Variants in PZP observed in about 807,000 individuals in gnomAD.
PZP encodes the protein pregnancy zone protein.
Under a neutral mutation model 179.8 loss-of-function variants are expected in PZP, and 150 were observed. That is an observed-to-expected ratio of 0.83 (90% CI 0.73 to 0.96). The LOEUF (loss-of-function observed/expected upper bound fraction) is 0.96. PZP is among the 40% of genes least tolerant of loss of function. The probability of loss-of-function intolerance (pLI) is 0.00; values close to 1 mark genes in which losing one functional copy is unlikely to be tolerated. For synonymous variants in PZP, 624 were observed against 652.3 expected (o/e 0.96, Z 0.66); for missense variants, 1,689 against 1,764.0 (o/e 0.96, Z 0.76).
chr12:9,186,788 G>A (rs996145845), intron 13 of PZP, among the ~76,000 whole-genome samples: 3 of 147,034 alleles, frequency 2.0e-5, no homozygotes, highest in African/African-American at 7.5e-5. Context: ...ACTCATAAGT[G>A]GAAGTTGAAA....
Position 9,192,569 on chromosome 12 carries a change from G to A in PZP, c.1425C>T (p.His475=). 6.2e-7 allele frequency: 1 copy of A among 1,614,204 alleles called. No homozygotes were observed. The highest frequency in any genetic ancestry group is 8.5e-7 in the Non-Finnish European group (1 of 1,180,044). ...PCGHTETITA[H]YTLNRQAMGE... ...CCATGGCCTGTCTATTCAGTGTATA[G>A]TGTGCCGTGATAGTCTCCGTGTGGC... Residue 475 remains histidine, a synonymous_variant, in exon 12 of 36, where the codon CAC becomes CAT. Transcript: ENST00000261336.
chr12:9,157,101 C>A, intron 28 of PZP, 74 bp downstream of exon 28: 3 of 1,428,432 alleles, frequency 2.1e-6, no homozygotes, highest in Non-Finnish European at 2.9e-6. Flanking sequence ...CCCAGACAGG[C>A]CCCAATGTGT....
downstream of PZP, among the ~76,000 whole-genome samples, chr12:9,148,286 C>A (rs186604656): frequency 9.9e-5 from 15 of 152,224 alleles, no homozygotes; most frequent in East Asian, 1.9e-3. Flanking sequence ...ACTGTAGCCA[C>A]CATGTCTCTT....
Position 9,202,602 on chromosome 12 carries a change from T to C in PZP, c.350A>G (p.Asn117Ser). Residue 117 changes from asparagine to serine, a missense_variant, in exon 3 of 36, where the codon AAC (asparagine) becomes AGC (serine). Asn to Ser is a conservative substitution (Grantham distance 46). Coordinates refer to ENST00000261336, the MANE Select transcript of PZP (RefSeq NM_002864.3). ...TTGGGTGTTCAGTACCAGAACTGTG[T>C]TCCTCTTCCTGAAATCTTGCGTAGG... ...KGPTQDFRKR[N>S]TVLVLNTQSL... The C allele has an allele frequency of 1.2e-6, 2 of 1,614,082 alleles. No individual in the cohort carries two copies. Among genetic ancestry groups the C allele is most frequent in the Non-Finnish European group, 1.7e-6 (2 of 1,179,952 alleles).
intron 13 of PZP, among the ~76,000 whole-genome samples, chr12:9,185,595 T>G (rs1173787102): frequency 6.6e-6 from 1 of 151,918 alleles, no homozygotes; most frequent in Non-Finnish European, 1.5e-5. Context: ...CCCCAAAATA[T>G]ACTTCACAAG....
intron 21 of PZP, among the ~76,000 whole-genome samples, 162 bp from the exon 22 acceptor site, chr12:9,162,810 G>A (rs899708824): frequency 3.3e-5 from 5 of 152,136 alleles, no homozygotes; most frequent in South Asian, 4.1e-4. Context: ...ACATGTGCAG[G>A]AGGTGCAGGT....
At chr12:9,196,269 G>A (rs1943765656) in intron 10 of PZP, 61 bp downstream of exon 10, 1 of 1,155,540 alleles carries the variant, frequency 8.7e-7, no homozygotes, top group Admixed American at 1.8e-5. Flanking sequence ...CTGCATCATT[G>A]TGTCCTGTGC....
intron 13 of PZP, among the ~76,000 whole-genome samples, chr12:9,185,819 T>TTTTCTTTTCTTTTCTTTTCTTTTCTTTTC (rs1943074645): frequency 2.8e-4 from 8 of 28,654 alleles, no homozygotes; most frequent in Admixed American, 9.5e-4. Context: ...CTTTTCTTTT[T>TTTTCTTTTCTTTTCTTTTCTTTTCTTTTC]TTTTTTCTTG....
In PZP at chr12:9,180,012, G is replaced by A. The variant is rs546219856; in HGVS notation, c.1839+971C>T. On this transcript the variant is annotated intron_variant, in intron 15 of 35. Transcript: ENST00000261336. ...TCTTAAAATGGGACTATTATTCTCC[G>A]GAATGTTGGGCAGATTAAGTGAGAA... is the stretch of plus-strand genomic sequence containing the variant. Among the ~76,000 whole-genome samples, 14 of 152,236 alleles carry A rather than the reference G, an allele frequency of 9.2e-5. No individual in the cohort carries two copies. The South Asian group carries it at 1.7e-3, about 18-fold the overall frequency.
chr12:9,164,100 G>A lies in PZP; in HGVS notation c.2614+33C>T, dbSNP rs773802425. The A allele has an allele frequency of 5.0e-6, 8 of 1,588,764 alleles. 1 individual carries two copies. The South Asian group carries it at 6.7e-5, about 13-fold the overall frequency. Reference sequence around the variant, plus strand: ...TACTCAGACAGCCACCGTCCTTGTTGATTGATAGGCCCTTTTGGGTACTGT... The same window carrying A: ...TACTCAGACAGCCACCGTCCTTGTTAATTGATAGGCCCTTTTGGGTACTGT... On this transcript the variant is annotated intron_variant, in intron 20 of 35. Transcript: ENST00000261336.
At position 9,165,198 on chromosome 12, in the gene PZP, G is replaced by A. The variant is rs770549239; in HGVS notation, c.2428C>T (p.Arg810Cys). ...GCCTTGAGTGTGAAGACCTCTCCAC[G>A]AATCACAGAGTAAGGCATTGTGAGC... Reference protein sequence around the residue: ...VELTMPYSVIRGEVFTLKATV... With the variant: ...VELTMPYSVICGEVFTLKATV... Residue 810 changes from arginine (R) to cysteine (C), a missense_variant, in exon 19 of 36, where the codon CGT becomes TGT. Arg to Cys is a radical substitution (Grantham distance 180). This residue lies in a region of PZP where 201 missense variants were observed against 284.2 expected (regional missense o/e 0.71). Coordinates refer to ENST00000261336, the MANE Select transcript of PZP (RefSeq NM_002864.3). 5.1e-5 allele frequency: 83 copies of A among 1,614,028 alleles called. No homozygotes were observed. The highest frequency in any genetic ancestry group is 6.2e-5 in the Non-Finnish European group (73 of 1,180,018).
chr12:9,173,527 A>G lies in PZP; in HGVS notation c.1840-3936T>C, dbSNP rs1047007193. On this transcript the variant is annotated intron_variant, in intron 15 of 35. Transcript: ENST00000261336. Reference sequence around the variant, plus strand: ...GAAAAACCCTCTTAAAAAAACAATGAATCCAGGAGCTGGTTTTTTTGAAAA... The same window carrying G: ...GAAAAACCCTCTTAAAAAAACAATGGATCCAGGAGCTGGTTTTTTTGAAAA... 1.9e-4 allele frequency among the ~76,000 whole-genome samples: 29 copies of G among 152,182 alleles called. 1 individual carries two copies. Among genetic ancestry groups the G allele is most frequent in the Admixed American group, 2.6e-4 (4 of 15,278 alleles).
intron 13 of PZP, among the ~76,000 whole-genome samples, chr12:9,185,816 T>TTTCTTTTCTTTTCTTTTC (rs1399537289): frequency 6.8e-6 from 1 of 147,776 alleles, no homozygotes; most frequent in African/African-American, 2.5e-5. Flanking sequence ...TTTCTTTTCT[T>TTTCTTTTCTTTTCTTTTC]TTTTTTTTTC....
At chr12:9,174,862 G>A (rs990202607) in intron 15 of PZP, among the ~76,000 whole-genome samples, 1 of 152,122 alleles carries the variant, frequency 6.6e-6, no homozygotes, top group African/African-American at 2.4e-5. Context: ...AGAAGAATCA[G>A]TGTAATGACA....
intron 13 of PZP, among the ~76,000 whole-genome samples, chr12:9,183,736 C>A (rs1942924197): frequency 1.3e-5 from 2 of 152,178 alleles, no homozygotes; most frequent in African/African-American, 4.8e-5. Context: ...AGATTGGTGG[C>A]ACTCAATTAA....
chr12:9,164,523 C>T (rs1442630635), intron 19 of PZP, among the ~76,000 whole-genome samples: 3 of 152,182 alleles, frequency 2.0e-5, no homozygotes, highest in African/African-American at 7.2e-5. Flanking sequence ...AAGGGAAAAG[C>T]AGTGATTGTA....
chr12:9,149,656 C>G, intron 34 of PZP, 54 bp from the exon 35 acceptor site: 1 of 1,562,436 alleles, frequency 6.4e-7, no homozygotes, highest in Admixed American at 1.7e-5. Context: ...AACTAGGGAC[C>G]ATGCTAAATC....
chr12:9,171,288 AAAAC>A (rs1187307658), intron 15 of PZP, among the ~76,000 whole-genome samples: 1 of 152,246 alleles, frequency 6.6e-6, no homozygotes, highest in Non-Finnish European at 1.5e-5. Context: ...TGCTAAAAGA[AAAAC>A]AAACAAACAA....
chr12:9,184,890 C>T (rs1317225875), intron 13 of PZP, among the ~76,000 whole-genome samples: 4 of 152,188 alleles, frequency 2.6e-5, no homozygotes, highest in African/African-American at 7.2e-5. Context: ...CACAATCAAA[C>T]CTCCAAGGTC....
Sources: gnomAD v4.1 joint callset for allele counts (sites outside exome capture counted in the v4.1 genomes callset) on GRCh38, gnomAD v4.1.1 for gene constraint, gnomAD v4.1.1 regional missense constraint, MANE v1.5 for transcripts, NCBI Gene and HGNC (gene_info 2026-07-23, HGNC 2026-07-21) for gene names.